The following SUN2 variants were observed in gnomAD, a reference collection of about 807,000 sequenced individuals.
SUN2 encodes Sad1 and UNC84 domain containing 2.
In SUN2, 60 loss-of-function variants were observed where a neutral mutation model predicts 100.0. That is an observed-to-expected ratio of 0.60 (90% CI 0.49 to 0.74). The LOEUF (loss-of-function observed/expected upper bound fraction) is 0.74. Among genes scored for constraint, SUN2 ranks in the 30% least tolerant of loss-of-function variants. SUN2 has a pLI of 0.00. For synonymous variants in SUN2, 367 were observed against 403.3 expected (o/e 0.91, Z 1.08); for missense variants, 834 against 954.6 (o/e 0.87, Z 1.66).
chr22:38,742,142 C>CA (rs1189560699), intron 9 of SUN2, among the ~76,000 whole-genome samples, 159 bp downstream of exon 9: 4 of 143,102 alleles, frequency 2.8e-5, no homozygotes, highest in African/African-American at 1.0e-4. Flanking sequence ...GATATTGTCT[C>CA]AAAAAGAAAA....
At chr22:38,747,192 C>T (rs1419660377) in intron 7 of SUN2, among the ~76,000 whole-genome samples, 1 of 151,530 alleles carries the variant, frequency 6.6e-6, no homozygotes, top group African/African-American at 2.4e-5. Context: ...ATTAGCTGGG[C>T]GTGGTGGCAT....
intron 1 of SUN2, chr22:38,754,633 G>T (rs768407163): frequency 1.6e-5 from 18 of 1,111,998 alleles, no homozygotes; most frequent in Middle Eastern, 2.4e-4. Flanking sequence ...CCGCCCGTAC[G>T]GTCCCTACCT....
In SUN2 at chr22:38,755,798, G is replaced by A. The variant is rs933649811; in HGVS notation, c.-73C>T. 3 of 984,154 alleles carry A rather than the reference G, an allele frequency of 3.0e-6. No homozygotes were observed. The African/African-American group carries it at 5.3e-5, about 17-fold the overall frequency. The allele number at this position is 984,154 out of a possible 1,614,324, so 61.0% of individuals were successfully genotyped here. On this transcript the variant is annotated 5_prime_UTR_variant, in exon 1 of 18. In the 5' UTR this introduces an upstream ATG that the reference lacks. Coordinates refer to ENST00000689035, the MANE Select transcript of SUN2 (RefSeq NM_015374.3). This position sits in a 1 kb window ranked among gnomAD's most constrained non-coding sequence, Gnocchi z 5.7. ...GGCGGCTTCTAGCCCGGCCGGGGGC[G>A]TCCGAGGCCAGGCCGCCGCCGGGGC...
At chr22:38,745,401 A>C (rs1279692253) in intron 8 of SUN2, among the ~76,000 whole-genome samples, 1 of 152,162 alleles carries the variant, frequency 6.6e-6, no homozygotes, top group Non-Finnish European at 1.5e-5. Context: ...CACTGCTTTT[A>C]GGGGTGGATT....
intron 10 of SUN2, 47 bp downstream of exon 10, chr22:38,741,446 TG>T: frequency 6.4e-7 from 1 of 1,574,726 alleles, no homozygotes; most frequent in Non-Finnish European, 8.7e-7. Flanking sequence ...ACATGTTGGA[TG>T]GGGTCAGGAC....
Position 38,740,383 on chromosome 22 carries a change from G to A in SUN2, c.1240C>T (p.Leu414=). ...TGCAGGCCGGCCAGCTGGTCCTCCAGCCGCCTCAGCTCCTTCACAGAGCTC... is the reference window on the plus strand; with the variant it reads ...TGCAGGCCGGCCAGCTGGTCCTCCAACCGCCTCAGCTCCTTCACAGAGCTC... ...QESSVKELRR[L]EDQLAGLQQE... is the part of the protein sequence containing the mutation. The change falls in exon 12 of 18, where the codon CTG becomes TTG. Residue 414 remains leucine, a synonymous_variant. Coordinates refer to ENST00000689035, the MANE Select transcript of SUN2 (RefSeq NM_015374.3). This position sits in a 1 kb window ranked among gnomAD's most constrained non-coding sequence, Gnocchi z 4.8. 1 of 1,573,958 alleles carries A rather than the reference G, an allele frequency of 6.4e-7. No homozygotes were observed. The highest frequency in any genetic ancestry group is 1.3e-5 in the African/African-American group (1 of 74,360).
At chr22:38,746,290 C>T (rs539762074) in intron 7 of SUN2, among the ~76,000 whole-genome samples, 1 of 152,238 alleles carries the variant, frequency 6.6e-6, no homozygotes, top group South Asian at 2.1e-4. Flanking sequence ...GGCTGAGAGT[C>T]ACTGCAACAG....
In SUN2 at chr22:38,755,404, G is replaced by C; in HGVS notation, c.-38+359C>G. 5.0e-6 allele frequency: 5 copies of C among 1,003,214 alleles called. No individual in the cohort carries two copies. The highest frequency in any genetic ancestry group is 6.0e-6 in the Non-Finnish European group (5 of 838,598). The allele number at this position is 1,003,214 out of a possible 1,614,324, so 62.1% of individuals were successfully genotyped here. A position where few individuals can be genotyped will look rare whatever the true frequency, so the allele number is the denominator to read the frequency against. On this transcript the variant is annotated intron_variant, in intron 1 of 17. Coordinates refer to ENST00000689035, the MANE Select transcript of SUN2 (RefSeq NM_015374.3). The surrounding 1 kb of genome is among the most constrained non-coding windows in gnomAD (Gnocchi z 5.7). ...CTGAGGCCCTGAGTTCTGACAGGCAGAGGCTGGGAACTGCCTGTCCCTGGA... is the reference window on the plus strand; with the variant it reads ...CTGAGGCCCTGAGTTCTGACAGGCACAGGCTGGGAACTGCCTGTCCCTGGA...
chr22:38,751,192 G>T lies in SUN2; in HGVS notation c.286+18C>A. On this transcript the variant is annotated intron_variant, in intron 3 of 17. Coordinates refer to ENST00000689035, the MANE Select transcript of SUN2 (RefSeq NM_015374.3). ...GGCCGAGGAAGCAAAGCCCCGGGAC[G>T]GAGGGCTCCACACTCACCCCAGTTG... 1.9e-6 allele frequency: 3 copies of T among 1,606,480 alleles called. No individual in the cohort carries two copies. The highest frequency in any genetic ancestry group is 2.6e-6 in the Non-Finnish European group (3 of 1,173,924).
chr22:38,755,945 A>C lies in SUN2; in HGVS notation c.-220T>G. 1.0e-6 allele frequency: 1 copy of C among 982,940 alleles called. No homozygotes were observed. The highest frequency in any genetic ancestry group is 1.2e-6 in the Non-Finnish European group (1 of 829,054). The allele number at this position is 982,940 out of a possible 1,614,324, so 60.9% of individuals were successfully genotyped here. A position where few individuals can be genotyped will look rare whatever the true frequency, so the allele number is the denominator to read the frequency against. On this transcript the variant is annotated 5_prime_UTR_variant, in exon 1 of 18. It adds an upstream start codon to the 5' untranslated region. Transcript: ENST00000689035. The surrounding 1 kb of genome is among the most constrained non-coding windows in gnomAD (Gnocchi z 5.7). ...CGCGGGACAAGGCGGGCGGGCGGAC[A>C]ATGCGGCCGGCGGAGGCCCGCGCTG...
Position 38,736,294 on chromosome 22 carries a change from G to C in SUN2, c.2127C>G (p.Phe709Leu). 1 of 1,613,988 alleles carries C rather than the reference G, an allele frequency of 6.2e-7. No homozygotes were observed. Among genetic ancestry groups the C allele is most frequent in the Non-Finnish European group, 8.5e-7 (1 of 1,179,906 alleles). Residue 709 changes from phenylalanine (F) to leucine (L), a missense_variant, in exon 18 of 18, where the codon TTC (phenylalanine) becomes TTG (leucine). Phe to Leu is a conservative substitution (Grantham distance 22, BLOSUM62 0). Transcript: ENST00000689035. ...AGTGGGCGGGCTCCCCATGCACTCT[G>C]AAGCGGTAGATGCAGGTGTACTCGG... ...GHPEYTCIYR[F>L]RVHGEPAH
At chr22:38,748,979 G>A in intron 6 of SUN2, 196 bp from the exon 7 acceptor site, 1 of 542,404 alleles carries the variant, frequency 1.8e-6, no homozygotes, top group Non-Finnish European at 3.3e-6. Flanking sequence ...AGGTCTTAGA[G>A]TGATGGGACA....
Position 38,751,788 on chromosome 22 carries a change from G to A in SUN2, c.123-415C>T, listed in dbSNP as rs117452052. 5.8e-4 allele frequency among the ~76,000 whole-genome samples: 88 copies of A among 152,302 alleles called. 1 individual carries two copies. The East Asian group carries it at 9.7e-3, about 17-fold the overall frequency. ...GACTGCGCCTGTTCTCAGCCATGTC[G>A]CTGGCCAGCTGCTGAGGCCGGACAG... On this transcript the variant is annotated intron_variant, in intron 2 of 17. Transcript: ENST00000689035.
At chr22:38,749,671 C>T in intron 6 of SUN2, 95 bp downstream of exon 6, 1 of 1,186,988 alleles carries the variant, frequency 8.4e-7, no homozygotes, top group Admixed American at 2.2e-5. Context: ...CTGGGGAAAA[C>T]CCTCAGAGAA....
At chr22:38,745,656 T>C (rs771666131) in intron 8 of SUN2, 28 bp downstream of exon 8, 1 of 1,611,776 alleles carries the variant, frequency 6.2e-7, no homozygotes, top group South Asian at 1.1e-5. Flanking sequence ...TGCTAAGCTC[T>C]TGGGAGCTAC....
At chr22:38,754,565 TG>T in intron 1 of SUN2, 1 of 1,106,902 alleles carries the variant, frequency 9.0e-7, no homozygotes, top group Non-Finnish European at 1.2e-6. Context: ...GAAGTTGGCC[TG>T]GGTCCTTGTC....
intron 9 of SUN2, among the ~76,000 whole-genome samples, chr22:38,741,793 G>A (rs1358169498): frequency 2.6e-5 from 4 of 152,188 alleles, no homozygotes; most frequent in Non-Finnish European, 5.9e-5. Context: ...AGCTCACTAT[G>A]GGGGTGGGGG....
chr22:38,753,127 C>G (rs949879737), intron 1 of SUN2, among the ~76,000 whole-genome samples: 3 of 152,142 alleles, frequency 2.0e-5, no homozygotes, highest in African/African-American at 7.2e-5. Flanking sequence ...CTAGCTGTGT[C>G]CCTTTGCTGA....
At chr22:38,749,087 GA>G (rs1190731384) in intron 6 of SUN2, 78 of 336,390 alleles carry the variant, frequency 2.3e-4, no homozygotes, top group South Asian at 6.1e-4. Context: ...TGCAAATATA[GA>G]AAAAAAAAGT....
Sources: gnomAD v4.1 joint callset for allele counts (sites outside exome capture counted in the v4.1 genomes callset) on GRCh38, gnomAD v4.1.1 for gene constraint, Gnocchi (gnomAD v3.1) non-coding constraint, MANE v1.5 for transcripts, NCBI Gene and HGNC (gene_info 2026-07-23, HGNC 2026-07-21) for gene names.